The following TEAD2 variants were observed in gnomAD, a reference collection of about 807,000 sequenced individuals.
TEAD2 encodes the protein TEA domain transcription factor 2, also known as transcriptional enhancer factor TEF-4.
A neutral mutation model predicts 61.4 loss-of-function variants in TEAD2; 51 were observed. The ratio of observed to expected loss-of-function variants is 0.83; its 90% CI spans 0.66 to 1.05. TEAD2 has a LOEUF of 1.05. Ranked by LOEUF, TEAD2 falls within the 50% of genes least tolerant of loss-of-function variation. The pLI, the probability that TEAD2 is intolerant of heterozygous loss-of-function variation, is 0.00. For synonymous variants in TEAD2, 244 were observed against 243.2 expected (o/e 1.00, Z -0.03); for missense variants, 509 against 600.0 (o/e 0.85, Z 1.58).
chr19:49,355,251 C>T (rs1215710435), intron 6 of TEAD2, 45 bp from the exon 7 acceptor site: 3 of 1,613,514 alleles, frequency 1.9e-6, no homozygotes, highest in Non-Finnish European at 2.5e-6. Flanking sequence ...CCCCTGTGGA[C>T]AGCTGCAGCC....
At chr19:49,356,760 G>T (rs1287366696) in intron 4 of TEAD2, among the ~76,000 whole-genome samples, 1 of 152,064 alleles carries the variant, frequency 6.6e-6, no homozygotes, top group Non-Finnish European at 1.5e-5. Flanking sequence ...CATCCTTCCT[G>T]CTGTCCTGAG....
Position 49,347,294 on chromosome 19 carries a change from C to T in TEAD2, c.817G>A (p.Val273Met). ...TTGTCGTAGATCTGCCGGACGTCCA[C>T]ACTCTCGAGCGGCGGCGCTCCGGGG... ...PSPGAPPLESVDVRQIYDKFP... is the reference protein window; with the variant it reads ...PSPGAPPLESMDVRQIYDKFP... Residue 273 changes from valine (V) to methionine (M), a missense_variant, in exon 10 of 13, where the codon GTG becomes ATG. Coordinates refer to ENST00000593945, the MANE Select transcript of TEAD2 (RefSeq NM_001256660.2). The T allele has an allele frequency of 2.5e-6, 4 of 1,613,930 alleles. No individual in the cohort carries two copies. Among genetic ancestry groups the T allele is most frequent in the Non-Finnish European group, 3.4e-6 (4 of 1,180,028 alleles).
intron 9 of TEAD2, 119 bp from the exon 10 acceptor site, chr19:49,347,482 T>G: frequency 1.6e-6 from 2 of 1,212,560 alleles, no homozygotes; most frequent in Non-Finnish European, 2.3e-6. Flanking sequence ...TTCCACACAG[T>G]CCACCCAGCA....
rs760404578 is a variant in TEAD2 at position 49,341,964 on chromosome 19, A to G, written c.1242+474T>C. On this transcript the variant is annotated intron_variant, in intron 12 of 12. Coordinates refer to ENST00000593945, the MANE Select transcript of TEAD2 (RefSeq NM_001256660.2). This position sits in a 1 kb window ranked among gnomAD's most constrained non-coding sequence, Gnocchi z 4.2. ...TCCCAGCACTTTGGGAGGCCTAGGCAGGTGGATCACTTGAGGTCGGAGATC... is the reference window on the plus strand; with the variant it reads ...TCCCAGCACTTTGGGAGGCCTAGGCGGGTGGATCACTTGAGGTCGGAGATC... 6.6e-6 allele frequency among the ~76,000 whole-genome samples: 1 copy of G among 152,052 alleles called. No homozygotes were observed. Among genetic ancestry groups the G allele is most frequent in the Non-Finnish European group, 1.5e-5 (1 of 67,990 alleles).
chr19:49,359,635 G>A lies in TEAD2; in HGVS notation c.233-136C>T, dbSNP rs555519212. 4.6e-4 allele frequency: 514 copies of A among 1,122,956 alleles called. 1 individual carries two copies. In the Middle Eastern group the frequency reaches 7.9e-3, roughly 17 times the overall value. The allele number at this position is 1,122,956 out of a possible 1,614,324, so 69.6% of individuals were successfully genotyped here. A position where few individuals can be genotyped will look rare whatever the true frequency, so the allele number is the denominator to read the frequency against. The stretch of plus-strand genomic sequence containing the variant: ...GTGGGCTGCCGGTCCCCTCAGCTAC[G>A]TGGAAGCCAGACTGCTTGGGTTCAA... On this transcript the variant is annotated intron_variant, in intron 2 of 12. Coordinates refer to ENST00000593945, the MANE Select transcript of TEAD2 (RefSeq NM_001256660.2). The surrounding 1 kb of genome is among the most constrained non-coding windows in gnomAD (Gnocchi z 4.1).
chr19:49,359,167 G>A lies in TEAD2; in HGVS notation c.297+268C>T. ...ACAGGAGAATTGCTTGAACCCGGGA[G>A]GCAGAGGTTGCAGTGAGCCAAGATC... On this transcript the variant is annotated intron_variant, in intron 3 of 12. Transcript: ENST00000593945. The surrounding 1 kb of genome is among the most constrained non-coding windows in gnomAD (Gnocchi z 4.1). 1 of 395,352 alleles carries A rather than the reference G, an allele frequency of 2.5e-6. No homozygotes were observed. Among genetic ancestry groups the A allele is most frequent in the South Asian group, 2.8e-5 (1 of 36,118 alleles). 24.5% of individuals were successfully genotyped at this position (395,352 alleles called of 1,614,324 possible). A position where few individuals can be genotyped will look rare whatever the true frequency, so the allele number is the denominator to read the frequency against.
chr19:49,354,148 C>A (rs925249678), intron 7 of TEAD2, among the ~76,000 whole-genome samples: 2 of 151,874 alleles, frequency 1.3e-5, no homozygotes, highest in Admixed American at 6.6e-5. Flanking sequence ...GCCTCACCGT[C>A]CTGCAGCCAC....
In TEAD2 at chr19:49,341,979, G is replaced by A. The variant is rs937360590; in HGVS notation, c.1242+459C>T. Among the ~76,000 whole-genome samples the A allele has an allele frequency of 9.2e-5, 14 of 152,022 alleles. No homozygotes were observed. Among genetic ancestry groups the A allele is most frequent in the Admixed American group, 9.2e-4 (14 of 15,254 alleles). On this transcript the variant is annotated intron_variant, in intron 12 of 12. Transcript: ENST00000593945. This position sits in a 1 kb window ranked among gnomAD's most constrained non-coding sequence, Gnocchi z 4.2. ...AGGCCTAGGCAGGTGGATCACTTGA[G>A]GTCGGAGATCAAGACCAACCTGGCC... is the stretch of plus-strand genomic sequence containing the variant.
intron 3 of TEAD2, 149 bp from the exon 4 acceptor site, chr19:49,357,463 G>T (rs746289521): frequency 7.4e-5 from 59 of 801,780 alleles, no homozygotes; most frequent in Non-Finnish European, 1.2e-4. Flanking sequence ...GGGAGCACCC[G>T]AACACAGATG....
At chr19:49,348,277 T>C (rs958803657) in intron 9 of TEAD2, among the ~76,000 whole-genome samples, 1 of 152,190 alleles carries the variant, frequency 6.6e-6, no homozygotes, top group Non-Finnish European at 1.5e-5. Context: ...GTCGGCCCAC[T>C]CCATCCTAGC....
rs1442111565 is a variant in TEAD2, at chr19:49,341,766, A to G, written c.1243-329T>C. On this transcript the variant is annotated intron_variant, in intron 12 of 12. Coordinates refer to ENST00000593945, the MANE Select transcript of TEAD2 (RefSeq NM_001256660.2). The surrounding 1 kb of genome is among the most constrained non-coding windows in gnomAD (Gnocchi z 4.2). ...AACCCTCCCTGCAGGTTCCGCGGTC[A>G]AGGGGTCTCTGCCTCAGCAGTCCAA... is the stretch of plus-strand genomic sequence containing the variant. Among the ~76,000 whole-genome samples, 3 of 152,090 alleles carry G rather than the reference A, an allele frequency of 2.0e-5. No individual in the cohort carries two copies. The highest frequency in any genetic ancestry group is 4.1e-4 in the South Asian group (2 of 4,828).
chr19:49,348,616 G>A (rs368046572), intron 9 of TEAD2, 87 bp downstream of exon 9: 9 of 1,271,692 alleles, frequency 7.1e-6, no homozygotes, highest in Non-Finnish European at 1.1e-6. Flanking sequence ...ACATGCTAAA[G>A]TTTTAAAACC....
At position 49,355,205 on chromosome 19, in the gene TEAD2, G is replaced by T. The variant is rs372748730; in HGVS notation, c.482C>A (p.Ala161Asp). 1 of 1,613,196 alleles carries T rather than the reference G, an allele frequency of 6.2e-7. No homozygotes were observed. Among genetic ancestry groups the T allele is most frequent in the African/African-American group, 1.3e-5 (1 of 74,872 alleles). ...QAKLGPTGPQ[A>D]SELFQFWSGG... Reference sequence around the variant, plus strand: ...AGACCAAAACTGGAAAAGCTCAGAGGCCTGGATAGGACACAAAGAAAAATG... The same window carrying T: ...AGACCAAAACTGGAAAAGCTCAGAGTCCTGGATAGGACACAAAGAAAAATG... Residue 161 changes from alanine to aspartate, a missense_variant and splice_region_variant, in exon 7 of 13, where the codon GCC becomes GAC. Transcript: ENST00000593945.
At position 49,351,815 on chromosome 19, in the gene TEAD2, A is replaced by G. The variant is rs910032301; in HGVS notation, c.540-450T>C. Among the ~76,000 whole-genome samples, 8 of 151,994 alleles carry G rather than the reference A, an allele frequency of 5.3e-5. No individual in the cohort carries two copies. In the East Asian group the frequency reaches 1.5e-3, roughly 29 times the overall value. On this transcript the variant is annotated intron_variant, in intron 7 of 12. Transcript: ENST00000593945. ...AGCCTGGCCAACATGGTGAAATCCC[A>G]TCTCTACTAAAAATACAAAAATTAG...
chr19:49,356,112 C>T (rs1258371551), intron 4 of TEAD2, 142 bp from the exon 5 acceptor site: 34 of 595,478 alleles, frequency 5.7e-5, no homozygotes, highest in African/African-American at 5.8e-5. Flanking sequence ...GGGATGGATG[C>T]GCAACAGGAA....
chr19:49,341,167 C>T lies in TEAD2; in HGVS notation c.*157G>A, dbSNP rs1433705933. The T allele has an allele frequency of 3.1e-6, 2 of 639,898 alleles. No homozygotes were observed. The highest frequency in any genetic ancestry group is 2.8e-5 in the East Asian group (1 of 36,018). The allele number at this position is 639,898 out of a possible 1,614,324, so 39.6% of individuals were successfully genotyped here. A position where few individuals can be genotyped will look rare whatever the true frequency, so the allele number is the denominator to read the frequency against. ...CAGCTCTCCAACCAAGTTTTGGGGG[C>T]CCCTCTAATGGGGGGGATGGCCCCA... On this transcript the variant is annotated 3_prime_UTR_variant, in exon 13 of 13. Transcript: ENST00000593945. The surrounding 1 kb of genome is among the most constrained non-coding windows in gnomAD (Gnocchi z 4.2).
intron 10 of TEAD2, among the ~76,000 whole-genome samples, chr19:49,343,656 T>C (rs1457502860): frequency 1.3e-5 from 2 of 151,586 alleles, no homozygotes; most frequent in African/African-American, 4.9e-5. Context: ...GAGAATCACT[T>C]GAACCCGGGA....
chr19:49,360,432 G>A (rs940474468), intron 1 of TEAD2: 2 of 316,786 alleles, frequency 6.3e-6, no homozygotes, highest in Non-Finnish European at 1.2e-5. Flanking sequence ...GTCTGAGGGA[G>A]GAGAAGGAGC....
chr19:49,351,157 G>T lies in TEAD2; in HGVS notation c.604+144C>A, dbSNP rs546786763. The T allele has an allele frequency of 2.9e-5, 22 of 760,738 alleles. 1 individual carries two copies. The highest frequency in any genetic ancestry group is 4.4e-5 in the Non-Finnish European group (21 of 481,444). The allele number at this position is 760,738 out of a possible 1,614,324, so 47.1% of individuals were successfully genotyped here. A position where few individuals can be genotyped will look rare whatever the true frequency, so the allele number is the denominator to read the frequency against. On this transcript the variant is annotated intron_variant, in intron 8 of 12. Coordinates refer to ENST00000593945, the MANE Select transcript of TEAD2 (RefSeq NM_001256660.2). Reference sequence around the variant, plus strand: ...TCACGCCACTGCACTCCAGCCTGGCGACAGAGGGAGACTCCATCTCAAAAC... The same window carrying T: ...TCACGCCACTGCACTCCAGCCTGGCTACAGAGGGAGACTCCATCTCAAAAC...
Sources: gnomAD v4.1 joint callset for allele counts (sites outside exome capture counted in the v4.1 genomes callset) on GRCh38, gnomAD v4.1.1 for gene constraint, Gnocchi (gnomAD v3.1) non-coding constraint, MANE v1.5 for transcripts, NCBI Gene and HGNC (gene_info 2026-07-23, HGNC 2026-07-21) for gene names.